Variants in EFCAB6 observed in about 807,000 individuals in gnomAD.
EFCAB6 encodes the protein EF-hand calcium binding domain 6.
A neutral mutation model predicts 169.8 loss-of-function variants in EFCAB6; 156 were observed. The observed-to-expected ratio is 0.92, with a 90% confidence interval of 0.81 to 1.05. The LOEUF (loss-of-function observed/expected upper bound fraction) is 1.05. Among genes scored for constraint, EFCAB6 ranks in the 50% least tolerant of loss-of-function variants. The pLI, the probability that EFCAB6 is intolerant of heterozygous loss-of-function variation, is 0.00. For synonymous variants in EFCAB6, 698 were observed against 676.4 expected (o/e 1.03, Z -0.50); for missense variants, 1,800 against 1,829.1 (o/e 0.98, Z 0.29).
chr22:43,713,605 C>A (rs1432866702), intron 9 of EFCAB6, among the ~76,000 whole-genome samples: 1 of 152,128 alleles, frequency 6.6e-6, no homozygotes, highest in Non-Finnish European at 1.5e-5. Context: ...TCTCTACAAC[C>A]CAGCTCACAA....
At chr22:43,704,752 A>C (rs1162865269) in intron 10 of EFCAB6, among the ~76,000 whole-genome samples, 2 of 152,172 alleles carry the variant, frequency 1.3e-5, no homozygotes, top group African/African-American at 4.8e-5. Context: ...AAAAATCTAT[A>C]GTAGATGCAC....
chr22:43,547,676 G>T (rs2048137762), intron 27 of EFCAB6, among the ~76,000 whole-genome samples: 1 of 151,090 alleles, frequency 6.6e-6, no homozygotes, highest in Admixed American at 6.6e-5. Context: ...GAGGTGGGAG[G>T]ATAGTTTGAG....
At position 43,534,869 on chromosome 22, in the gene EFCAB6, A is replaced by G; in HGVS notation, c.4052T>C (p.Leu1351Pro). The change falls in exon 30 of 32, where the codon CTT (leucine) becomes CCT (proline). Residue 1351 changes from leucine (L) to proline (P), a missense_variant. Transcript: ENST00000262726. The stretch of plus-strand genomic sequence containing the variant: ...TATGTCCAGGTTGAATTTCTCCACA[A>G]GAGCTACAGAAAAAAATGGCAGTTC... ...GDINASDFLA[L>P]VEKFNLDISK... 6.3e-7 allele frequency: 1 copy of G among 1,595,072 alleles called. No individual in the cohort carries two copies. The highest frequency in any genetic ancestry group is 8.5e-7 in the Non-Finnish European group (1 of 1,172,552).
chr22:43,582,003 T>C (rs1414813048), intron 24 of EFCAB6, among the ~76,000 whole-genome samples: 1 of 152,208 alleles, frequency 6.6e-6, no homozygotes, highest in African/African-American at 2.4e-5. Context: ...GAGATGTTTA[T>C]CATCAAGAGG....
chr22:43,559,901 T>G (rs535962470), intron 26 of EFCAB6, among the ~76,000 whole-genome samples: 1 of 152,042 alleles, frequency 6.6e-6, no homozygotes, highest in Admixed American at 6.6e-5. Flanking sequence ...TTAGGACAAA[T>G]ACCTAATGCA....
Position 43,683,865 on chromosome 22 carries a change from G to T in EFCAB6, c.1143-10C>A. 6.3e-7 allele frequency: 1 copy of T among 1,582,850 alleles called. No individual in the cohort carries two copies. ...ATTTCTAGAGTTGATGCTACAAGAG[G>T]ATTAGGAGAAAAGCAGGAATAAGAT... On this transcript the variant is annotated splice_polypyrimidine_tract_variant and intron_variant, in intron 11 of 31. Coordinates refer to ENST00000262726, the MANE Select transcript of EFCAB6 (RefSeq NM_022785.4).
At chr22:43,597,483 G>T (rs2052105258) in intron 23 of EFCAB6, among the ~76,000 whole-genome samples, 1 of 152,182 alleles carries the variant, frequency 6.6e-6, no homozygotes, top group African/African-American at 2.4e-5. Flanking sequence ...TGGCCAAGAG[G>T]TATGTGAAAA....
chr22:43,568,535 T>C (rs563269206), intron 26 of EFCAB6, among the ~76,000 whole-genome samples: 8 of 152,088 alleles, frequency 5.3e-5, no homozygotes, highest in African/African-American at 1.7e-4. Flanking sequence ...TTTGAATATA[T>C]AGAGGGCTTC....
chr22:43,782,453 G>T, intron 2 of EFCAB6, 128 bp from the exon 3 acceptor site: 1 of 765,298 alleles, frequency 1.3e-6, no homozygotes, highest in Non-Finnish European at 2.1e-6. Flanking sequence ...GTCATAATCT[G>T]CTTTGCTGAT....
In EFCAB6 at chr22:43,555,007, G is replaced by A; in HGVS notation, c.3510C>T (p.Leu1170=). 6.2e-7 allele frequency: 1 copy of A among 1,614,244 alleles called. No homozygotes were observed. The highest frequency in any genetic ancestry group is 8.5e-7 in the Non-Finnish European group (1 of 1,180,036). ...GGTAATGGGAAGTCACTGCTTTGTG[G>A]AGGCGAGCCAGGATGTCTCTGTCGG... ...ATADRDILAR[L]HKAVTSHYHA... The change falls in exon 27 of 32, where the codon CTC becomes CTT. Residue 1170 remains leucine (L), a synonymous_variant. Transcript: ENST00000262726.
intron 27 of EFCAB6, among the ~76,000 whole-genome samples, chr22:43,546,540 A>G (rs1342557221): frequency 6.6e-6 from 1 of 152,200 alleles, no homozygotes; most frequent in African/African-American, 2.4e-5. Context: ...AAAATTCTCT[A>G]CCCAGAAAAG....
chr22:43,546,856 G>C (rs1945371680), intron 27 of EFCAB6, among the ~76,000 whole-genome samples: 1 of 149,818 alleles, frequency 6.7e-6, no homozygotes, highest in Non-Finnish European at 1.5e-5. Flanking sequence ...CTGGGTGACA[G>C]AGTGAGACTC....
chr22:43,549,211 G>T (rs184098285), intron 27 of EFCAB6, among the ~76,000 whole-genome samples: 1 of 151,902 alleles, frequency 6.6e-6, no homozygotes, highest in Non-Finnish European at 1.5e-5. Flanking sequence ...AAACTAAAGC[G>T]GAAGGAATAA....
intron 17 of EFCAB6, among the ~76,000 whole-genome samples, chr22:43,647,093 T>C (rs2056204297): frequency 6.6e-6 from 1 of 151,104 alleles, no homozygotes; most frequent in African/African-American, 2.4e-5. Flanking sequence ...AACTTTGTAG[T>C]TTCCACTAAA....
intron 25 of EFCAB6, among the ~76,000 whole-genome samples, chr22:43,579,862 A>T (rs2050601539): frequency 6.6e-6 from 1 of 150,720 alleles, no homozygotes; most frequent in African/African-American, 2.5e-5. Flanking sequence ...ATTATTCCCT[A>T]CACTCAGGCA....
intron 2 of EFCAB6, among the ~76,000 whole-genome samples, chr22:43,788,627 G>T (rs1001532224): frequency 6.6e-6 from 1 of 152,140 alleles, no homozygotes; most frequent in African/African-American, 2.4e-5. Flanking sequence ...CATATTACTG[G>T]TGAGAATGTA....
intron 22 of EFCAB6, among the ~76,000 whole-genome samples, chr22:43,600,825 G>A (rs2052462315): frequency 6.6e-6 from 1 of 152,194 alleles, no homozygotes; most frequent in African/African-American, 2.4e-5. Context: ...ACCATGCCCG[G>A]CTAATGTTTC....
At chr22:43,664,598 G>A (rs1172536986) in intron 17 of EFCAB6, among the ~76,000 whole-genome samples, 1 of 152,242 alleles carries the variant, frequency 6.6e-6, no homozygotes, top group Non-Finnish European at 1.5e-5. Flanking sequence ...CAGTTGAACA[G>A]AGACTTGAAG....
chr22:43,660,515 TATAAA>T (rs2056951953), intron 17 of EFCAB6, among the ~76,000 whole-genome samples: 1 of 151,356 alleles, frequency 6.6e-6, no homozygotes, highest in Non-Finnish European at 1.5e-5. Context: ...TGTATATAGA[TATAAA>T]ATAAGTATAC....
Sources: allele counts gnomAD v4.1 joint callset (sites outside exome capture counted in the v4.1 genomes callset), GRCh38; gene constraint gnomAD v4.1.1; transcripts MANE v1.5; gene names NCBI Gene and HGNC (gene_info 2026-07-23, HGNC 2026-07-21).